KIFC2: variants seen among roughly 807,000 people sequenced by gnomAD.
KIFC2 encodes the protein kinesin family member C2, also known as kinesin-like protein KIFC2.
KIFC2 carries 94 observed loss-of-function variants against 91.5 expected under a neutral mutation model. That is an observed-to-expected ratio of 1.03 (90% CI 0.87 to 1.22). The LOEUF is 1.22. KIFC2 is among the 50% of genes most tolerant of loss of function. The pLI is 0.00. For synonymous variants in KIFC2, 729 were observed against 503.9 expected (o/e 1.45, Z -5.98); for missense variants, 1,357 against 1,103.3 (o/e 1.23, Z -3.26).
intron 12 of KIFC2, 48 bp from the exon 13 acceptor site, chr8:144,471,894 A>G (rs370334441): frequency 6.4e-7 from 1 of 1,564,546 alleles, no homozygotes; most frequent in Non-Finnish European, 8.8e-7. Flanking sequence ...TAGGGCATAA[A>G]CAGGCAACGT....
chr8:144,466,761 G>C lies in KIFC2; in HGVS notation c.101G>C (p.Arg34Thr). Residue 34 changes from arginine to threonine, a missense_variant and splice_region_variant, in exon 2 of 18, where the codon AGA (arginine) becomes ACA (threonine). Physicochemically the swap from Arg to Thr is moderately conservative, Grantham distance 71. Transcript: ENST00000645548. The part of the protein sequence containing the change: ...AAAEPGDPAQ[R>T]ARKPRGRRRP... ...GGGGCGCCCCTGCCCCCTCCCTAGA[G>C]AGCCCGCAAGCCCCGGGGTCGCCGG... The C allele has an allele frequency of 6.5e-7, 1 of 1,530,490 alleles. No homozygotes were observed. The highest frequency in any genetic ancestry group is 1.2e-5 in the South Asian group (1 of 83,678). The allele number at this position is 1,530,490 out of a possible 1,614,324, so 94.8% of individuals were successfully genotyped here.
At position 144,467,873 on chromosome 8, in the gene KIFC2, A is replaced by C; in HGVS notation, c.696A>C (p.Ser232=). Residue 232 remains serine (S), a synonymous_variant, in exon 7 of 18, where the codon TCA becomes TCC. Coordinates refer to ENST00000645548, the MANE Select transcript of KIFC2 (RefSeq NM_001369769.2). Reference sequence around the variant, plus strand: ...CTCTCCACCAGGGGGCGACGGACTCAGAGAAAAGGGTTCAGCATCTGACTC... The same window carrying C: ...CTCTCCACCAGGGGGCGACGGACTCCGAGAAAAGGGTTCAGCATCTGACTC... ...RLRLGVGATD[S]EKRVQHLTLE... is the part of the protein sequence containing the mutation. 1 of 1,613,468 alleles carries C rather than the reference A, an allele frequency of 6.2e-7. No individual in the cohort carries two copies. Among genetic ancestry groups the C allele is most frequent in the African/African-American group, 1.3e-5 (1 of 75,046 alleles).
In KIFC2 at chr8:144,467,896, C is replaced by G. The variant is rs566831339; in HGVS notation, c.719C>G (p.Thr240Ser). The G allele has an allele frequency of 6.2e-7, 1 of 1,613,224 alleles. No homozygotes were observed. Among genetic ancestry groups the G allele is most frequent in the South Asian group, 1.1e-5 (1 of 91,060 alleles). The part of the protein sequence containing the change: ...TDSEKRVQHL[T>S]LENEALKQSL... Reference sequence around the variant, plus strand: ...TCAGAGAAAAGGGTTCAGCATCTGACTCTGGAGAACGAGGCCCTGAAGCAG... The same window carrying G: ...TCAGAGAAAAGGGTTCAGCATCTGAGTCTGGAGAACGAGGCCCTGAAGCAG... The change falls in exon 7 of 18, where the codon ACT (threonine) becomes AGT (serine). Residue 240 changes from threonine (T) to serine (S), a missense_variant. Thr to Ser is a moderately conservative substitution (Grantham distance 58). Transcript: ENST00000645548.
At chr8:144,471,567 C>T (rs974215757) in intron 12 of KIFC2, among the ~76,000 whole-genome samples, 1 of 152,152 alleles carries the variant, frequency 6.6e-6, no homozygotes, top group African/African-American at 2.4e-5. Flanking sequence ...CCCTCCTTGG[C>T]CTCTCAAAAT....
chr8:144,474,165 G>T lies in KIFC2; in HGVS notation c.*776G>T. On this transcript the variant is annotated 3_prime_UTR_variant, in exon 18 of 18. Coordinates refer to ENST00000645548, the MANE Select transcript of KIFC2 (RefSeq NM_001369769.2). Reference sequence around the variant, plus strand: ...GAGGCTGCTGTGGTCGCAGACAGCCGCCTCGCCTTGGCTCCCTGTCAACAA... The same window carrying T: ...GAGGCTGCTGTGGTCGCAGACAGCCTCCTCGCCTTGGCTCCCTGTCAACAA... 8.2e-7 allele frequency: 1 copy of T among 1,220,860 alleles called. No individual in the cohort carries two copies. Among genetic ancestry groups the T allele is most frequent in the Non-Finnish European group, 1.1e-6 (1 of 886,174 alleles). The allele number at this position is 1,220,860 out of a possible 1,614,324, so 75.6% of individuals were successfully genotyped here.
chr8:144,473,320 T>C lies in KIFC2; in HGVS notation c.2307T>C (p.Ser769=). 1.2e-6 allele frequency: 2 copies of C among 1,601,626 alleles called. No individual in the cohort carries two copies. Among genetic ancestry groups the C allele is most frequent in the South Asian group, 1.1e-5 (1 of 89,046 alleles). The change falls in exon 18 of 18, where the codon AGT becomes AGC. Residue 769 remains serine (S), a synonymous_variant. Transcript: ENST00000645548. ...TPCTPTPSPG[S]PPCPSPDNGS... is the part of the protein sequence containing the mutation. ...GCACCCCTACGCCGTCCCCTGGCAG[T>C]CCTCCATGCCCCAGTCCCGACAACG...
rs920838189 is a variant in KIFC2, at chr8:144,473,511, C to T, written c.*122C>T. ...TCCCTAGCCTCTTTGGATCCATTGC[C>T]CCTGAGCTCCCAGAGTCACCCCTCC... is the stretch of plus-strand genomic sequence containing the variant. On this transcript the variant is annotated 3_prime_UTR_variant, in exon 18 of 18. Transcript: ENST00000645548. 20 of 1,387,114 alleles carry T rather than the reference C, an allele frequency of 1.4e-5. No individual in the cohort carries two copies. The highest frequency in any genetic ancestry group is 2.1e-4 in the Middle Eastern group (1 of 4,728). The allele number at this position is 1,387,114 out of a possible 1,614,324, so 85.9% of individuals were successfully genotyped here. A position where few individuals can be genotyped will look rare whatever the true frequency, so the allele number is the denominator to read the frequency against.
Position 144,471,832 on chromosome 8 carries a change from G to T in KIFC2, c.1381-110G>T, listed in dbSNP as rs1373637063. 2.1e-5 allele frequency: 19 copies of T among 901,906 alleles called. No individual in the cohort carries two copies. The South Asian group carries it at 2.5e-4, about 12-fold the overall frequency. The allele number at this position is 901,906 out of a possible 1,614,324, so 55.9% of individuals were successfully genotyped here. A position where few individuals can be genotyped will look rare whatever the true frequency, so the allele number is the denominator to read the frequency against. ...TGGTCCCTTAGAGCCATCCTCCCAG[G>T]AGACTAGGCTCTGCTCACACCTGCC... is the stretch of plus-strand genomic sequence containing the variant. On this transcript the variant is annotated intron_variant, in intron 12 of 17. Coordinates refer to ENST00000645548, the MANE Select transcript of KIFC2 (RefSeq NM_001369769.2).
chr8:144,469,206 C>T (rs1824823477), intron 10 of KIFC2, 65 bp from the exon 11 acceptor site: 2 of 1,326,268 alleles, frequency 1.5e-6, no homozygotes, highest in East Asian at 2.5e-5. Context: ...TCAGGACCCT[C>T]CCACCCCCCA....
At position 144,473,137 on chromosome 8, in the gene KIFC2, C is replaced by T. The variant is rs1215112736; in HGVS notation, c.2124C>T (p.Ser708=). 1.1e-5 allele frequency: 17 copies of T among 1,560,490 alleles called. No homozygotes were observed. The East Asian group carries it at 2.1e-4, about 20-fold the overall frequency. Residue 708 remains serine (S), a synonymous_variant, in exon 18 of 18, where the codon TCC becomes TCT. Transcript: ENST00000645548. ...CCCGCGCCTCTTGCCCGCAGATCTC[C>T]ACGCGGCCGGAGGATCTCGGGGAGA... is the stretch of plus-strand genomic sequence containing the variant. ...GTTAVLLLQI[S]TRPEDLGETV...
At chr8:144,468,308 C>G (rs914347016) in intron 7 of KIFC2, 21 bp from the exon 8 acceptor site, 1 of 1,596,912 alleles carries the variant, frequency 6.3e-7, no homozygotes, top group South Asian at 1.1e-5. Flanking sequence ...TGAGTCCCTC[C>G]TGGCCCCCAC....
chr8:144,473,954 G>C lies in KIFC2; in HGVS notation c.*565G>C. 8.0e-6 allele frequency: 4 copies of C among 501,660 alleles called. No homozygotes were observed. The South Asian group carries it at 1.3e-4, about 16-fold the overall frequency. 31.1% of individuals were successfully genotyped at this position (501,660 alleles called of 1,614,324 possible). A position where few individuals can be genotyped will look rare whatever the true frequency, so the allele number is the denominator to read the frequency against. Reference sequence around the variant, plus strand: ...CTGGTGACTGATGGATGGGTAGTGGGCTGAGAAGAGGGGACTAGGAAGGGC... The same window carrying C: ...CTGGTGACTGATGGATGGGTAGTGGCCTGAGAAGAGGGGACTAGGAAGGGC... On this transcript the variant is annotated 3_prime_UTR_variant, in exon 18 of 18. Coordinates refer to ENST00000645548, the MANE Select transcript of KIFC2 (RefSeq NM_001369769.2).
chr8:144,467,795 G>C lies in KIFC2; in HGVS notation c.681+16G>C. ...CCTGGGCGTGGTGAGGCTGCAGGGA[G>C]ACCTGGCAGGGCCGGGCATGGAGGG... On this transcript the variant is annotated intron_variant, in intron 6 of 17. Coordinates refer to ENST00000645548, the MANE Select transcript of KIFC2 (RefSeq NM_001369769.2). 6.2e-7 allele frequency: 1 copy of C among 1,613,640 alleles called. No individual in the cohort carries two copies. The highest frequency in any genetic ancestry group is 8.5e-7 in the Non-Finnish European group (1 of 1,179,978).
rs778571259 is a variant in KIFC2, at chr8:144,473,321, C to T, written c.2308C>T (p.Pro770Ser). The change falls in exon 18 of 18, where the codon CCT becomes TCT. Residue 770 changes from proline to serine, a missense_variant. Transcript: ENST00000645548. ...CACCCCTACGCCGTCCCCTGGCAGT[C>T]CTCCATGCCCCAGTCCCGACAACGG... ...PCTPTPSPGS[P>S]PCPSPDNGSG... 18 of 1,601,202 alleles carry T rather than the reference C, an allele frequency of 1.1e-5. No individual in the cohort carries two copies. The highest frequency in any genetic ancestry group is 3.4e-5 in the Admixed American group (2 of 58,880).
Position 144,473,348 on chromosome 8 carries a change from T to C in KIFC2, c.2335T>C (p.Ser779Pro). 6.3e-7 allele frequency: 1 copy of C among 1,586,916 alleles called. No individual in the cohort carries two copies. The highest frequency in any genetic ancestry group is 1.7e-4 in the Middle Eastern group (1 of 6,028). Residue 779 changes from serine to proline, a missense_variant, in exon 18 of 18, where the codon TCG becomes CCG. By Grantham distance (74) the Ser-to-Pro change is moderately conservative. Transcript: ENST00000645548. ...TCCATGCCCCAGTCCCGACAACGGC[T>C]CGGGCTCGGCTCTCGCGCCCGCAGA... ...SPPCPSPDNGSGSALAPAEGL... is the reference protein window; with the variant it reads ...SPPCPSPDNGPGSALAPAEGL...
Position 144,466,445 on chromosome 8 carries a change from T to C in KIFC2, c.26T>C (p.Ile9Thr). The change falls in exon 1 of 18, where the codon ATC becomes ACC. Residue 9 changes from isoleucine to threonine, a missense_variant. Coordinates refer to ENST00000645548, the MANE Select transcript of KIFC2 (RefSeq NM_001369769.2). ...ATGTACGCCTTTTACTCGTTGCTCA[T>C]CTACATCTTCTACAGCCTCTTCCGC... The part of the protein sequence containing the change: MYAFYSLL[I>T]YIFYSLFRRD... 1.5e-6 allele frequency: 2 copies of C among 1,359,198 alleles called. No homozygotes were observed. The highest frequency in any genetic ancestry group is 3.4e-5 in the East Asian group (1 of 29,098). 84.2% of individuals were successfully genotyped at this position (1,359,198 alleles called of 1,614,324 possible). A position where few individuals can be genotyped will look rare whatever the true frequency, so the allele number is the denominator to read the frequency against.
chr8:144,469,591 C>T lies in KIFC2; in HGVS notation c.1324C>T (p.Arg442Cys), dbSNP rs781565567. 14 of 1,612,362 alleles carry T rather than the reference C, an allele frequency of 8.7e-6. No homozygotes were observed. Among genetic ancestry groups the T allele is most frequent in the Admixed American group, 1.7e-5 (1 of 59,904 alleles). The change falls in exon 12 of 18, where the codon CGC (arginine) becomes TGC (cysteine). Residue 442 changes from arginine (R) to cysteine (C), a missense_variant. Arg to Cys is a radical substitution (Grantham distance 180). Transcript: ENST00000645548. ...GGTVTTCYRG[R>C]HRRFRLDWVF... ...CACCGTCACCACCTGCTACCGGGGG[C>T]GCCATCGTCGATTCCGCCTAGACTG...
rs1256299495 is a variant in KIFC2 at position 144,473,848 on chromosome 8, TGA to T, written c.*465_*466del. ...AGGTGCTACCTCCTTTCCAGACAGA[TGA>T]GAGAGGGCAGGACTTCAGGCTGGAT... On this transcript the variant is annotated 3_prime_UTR_variant, in exon 18 of 18. Coordinates refer to ENST00000645548, the MANE Select transcript of KIFC2 (RefSeq NM_001369769.2). The T allele has an allele frequency of 1.4e-5, 5 of 351,956 alleles. No homozygotes were observed. Among genetic ancestry groups the T allele is most frequent in the African/African-American group, 6.3e-5 (3 of 47,538 alleles). 21.8% of individuals were successfully genotyped at this position (351,956 alleles called of 1,614,324 possible). A position where few individuals can be genotyped will look rare whatever the true frequency, so the allele number is the denominator to read the frequency against.
Position 144,473,001 on chromosome 8 carries a change from C to T in KIFC2, c.2068C>T (p.Leu690=), listed in dbSNP as rs1022803907. The change falls in exon 17 of 18, where the codon CTG becomes TTG. Residue 690 remains leucine (L), a synonymous_variant. Transcript: ENST00000645548. ...VPFRDSQLTR[L]LQPALGPGTT... is the part of the protein sequence containing the mutation. ...CTTCCGCGACTCGCAGCTCACGCGA[C>T]TGCTGCAGCCGGCGCTGGGCCCAGG... The T allele has an allele frequency of 1.4e-6, 2 of 1,432,008 alleles. No homozygotes were observed. Among genetic ancestry groups the T allele is most frequent in the African/African-American group, 3.0e-5 (2 of 66,690 alleles). The allele number at this position is 1,432,008 out of a possible 1,614,324, so 88.7% of individuals were successfully genotyped here.
Sources: allele counts gnomAD v4.1 joint callset (sites outside exome capture counted in the v4.1 genomes callset), GRCh38; gene constraint gnomAD v4.1.1; transcripts MANE v1.5; gene names NCBI Gene and HGNC (gene_info 2026-07-23, HGNC 2026-07-21).